The following KLHL1 variants were observed in gnomAD, a reference collection of about 807,000 sequenced individuals.
KLHL1 encodes kelch like family member 1, also known as kelch-like protein 1.
KLHL1 carries 47 observed loss-of-function variants against 77.7 expected under a neutral mutation model. The observed-to-expected ratio is 0.60, with a 90% confidence interval of 0.48 to 0.77. The LOEUF is 0.77. Among genes scored for constraint, KLHL1 ranks in the 30% least tolerant of loss-of-function variants. KLHL1 has a pLI of 0.00. For missense variants in KLHL1, 925 were observed against 910.8 expected (o/e 1.02, Z -0.20); for synonymous variants, 360 against 325.2 (o/e 1.11, Z -1.15).
chr13:69,938,724 G>A (rs962466798), intron 4 of KLHL1, among the ~76,000 whole-genome samples: 2 of 152,028 alleles, frequency 1.3e-5, no homozygotes, highest in Admixed American at 1.3e-4. Context: ...AGGTAGCATC[G>A]TGTCTGTCAT....
At position 69,877,905 on chromosome 13, in the gene KLHL1, A is replaced by C. The variant is rs200243442; in HGVS notation, c.1227+4378T>G. ...ATTTATAATTAATAAAGAATATCTG[A>C]TTTTCTCTGTGTACTTAAGAAATAA... On this transcript the variant is annotated intron_variant, in intron 5 of 10. Transcript: ENST00000377844. Among the ~76,000 whole-genome samples the C allele has an allele frequency of 2.6e-5, 4 of 152,270 alleles. No individual in the cohort carries two copies. The East Asian group carries it at 7.7e-4, about 29-fold the overall frequency.
At chr13:70,073,350 T>A (rs145701655) in intron 1 of KLHL1, among the ~76,000 whole-genome samples, 1,775 of 152,064 alleles carry the variant, frequency 0.012, 26 homozygotes, top group South Asian at 0.024. Flanking sequence ...TAGGTGGGAA[T>A]TGAACAAGGA....
At chr13:69,851,708 C>T (rs1170178702) in intron 5 of KLHL1, among the ~76,000 whole-genome samples, 1 of 151,586 alleles carries the variant, frequency 6.6e-6, no homozygotes, top group Non-Finnish European at 1.5e-5. Flanking sequence ...GCTCCTATGT[C>T]CCTGTTCTCT....
At chr13:70,003,332 T>C (rs1885339936) in intron 1 of KLHL1, among the ~76,000 whole-genome samples, 1 of 151,796 alleles carries the variant, frequency 6.6e-6, no homozygotes, top group Admixed American at 6.6e-5. Context: ...GGATACTTTT[T>C]TCACATAAGA....
chr13:69,842,516 G>T (rs1409437255), intron 5 of KLHL1, among the ~76,000 whole-genome samples: 1 of 151,834 alleles, frequency 6.6e-6, no homozygotes, highest in Non-Finnish European at 1.5e-5. Flanking sequence ...CAGTCAGAAT[G>T]ACTATTTAAG....
chr13:69,784,660 T>A (rs1876415168), intron 7 of KLHL1, among the ~76,000 whole-genome samples: 1 of 151,370 alleles, frequency 6.6e-6, no homozygotes, highest in Non-Finnish European at 1.5e-5. Context: ...ATGCACCCAA[T>A]ACAGGAGCAC....
In KLHL1 at chr13:69,798,892, C is replaced by T. The variant is rs144069519; in HGVS notation, c.1415-1930G>A. Among the ~76,000 whole-genome samples the T allele has an allele frequency of 1.4e-3, 213 of 151,882 alleles. 3 individuals carry two copies. The East Asian group carries it at 0.033, about 24-fold the overall frequency. On this transcript the variant is annotated intron_variant, in intron 6 of 10. Coordinates refer to ENST00000377844, the MANE Select transcript of KLHL1 (RefSeq NM_020866.3). ...AGACCAGCCTGGCCTCAAACTCTGT[C>T]GAAACCCCATCTCCACTAAAAATAC...
At chr13:69,932,201 T>C (rs1265501178) in intron 4 of KLHL1, among the ~76,000 whole-genome samples, 2 of 151,842 alleles carry the variant, frequency 1.3e-5, no homozygotes, top group Admixed American at 6.6e-5. Flanking sequence ...TCTAGCTCTA[T>C]GCATAACTGA....
rs566153616 is a variant in KLHL1, at chr13:69,707,636, C to T, written c.2176G>A (p.Glu726Lys). The change falls in exon 10 of 11, where the codon GAG (glutamate) becomes AAG (lysine). Residue 726 changes from glutamate (E) to lysine (K), a missense_variant. By Grantham distance (56) the Glu-to-Lys change is moderately conservative. Transcript: ENST00000377844. ...GATGACAATCTTACCTGTGTCCACT[C>T]ATTAGTTTGTGGGTCATAGGATTCC... ...TMESYDPQTN[E>K]WTQMASLNIG... The T allele has an allele frequency of 4.3e-6, 7 of 1,611,122 alleles. No homozygotes were observed. The highest frequency in any genetic ancestry group is 2.2e-5 in the East Asian group (1 of 44,812).
At chr13:69,781,779 C>A (rs1876225744) in intron 7 of KLHL1, among the ~76,000 whole-genome samples, 1 of 152,038 alleles carries the variant, frequency 6.6e-6, no homozygotes, top group African/African-American at 2.4e-5. Context: ...CTGTGTTGTA[C>A]TTTAGATTAA....
chr13:69,702,016 T>C (rs980097712), intron 10 of KLHL1, among the ~76,000 whole-genome samples: 2 of 151,812 alleles, frequency 1.3e-5, no homozygotes, highest in Non-Finnish European at 3.0e-5. Context: ...ATGATTTTTA[T>C]TGAAATTAAC....
intron 3 of KLHL1, among the ~76,000 whole-genome samples, chr13:69,957,963 G>A (rs1465570454): frequency 1.3e-5 from 2 of 151,660 alleles, no homozygotes; most frequent in African/African-American, 2.4e-5. Context: ...GGGAAAAACT[G>A]AACTTATGTT....
chr13:70,047,992 T>C (rs1364070851), intron 1 of KLHL1, among the ~76,000 whole-genome samples: 1 of 152,188 alleles, frequency 6.6e-6, no homozygotes, highest in African/African-American at 2.4e-5. Context: ...ATTGATGAGA[T>C]ATTTTTTCAA....
chr13:69,938,469 A>C (rs932248238), intron 4 of KLHL1, among the ~76,000 whole-genome samples: 1 of 152,018 alleles, frequency 6.6e-6, no homozygotes. Context: ...TTGTGCGATA[A>C]ATTGCAGAAT....
intron 5 of KLHL1, among the ~76,000 whole-genome samples, chr13:69,843,541 A>C (rs1879346300): frequency 6.6e-6 from 1 of 151,730 alleles, no homozygotes; most frequent in African/African-American, 2.4e-5. Context: ...AAGTAACCCT[A>C]TGCCTTCTTG....
intron 7 of KLHL1, among the ~76,000 whole-genome samples, chr13:69,756,417 C>G (rs1033679233): frequency 3.3e-5 from 5 of 152,076 alleles, no homozygotes; most frequent in Non-Finnish European, 7.4e-5. Flanking sequence ...TTATGGTCAT[C>G]ATTAACAAAA....
In KLHL1 at chr13:70,057,500, G is replaced by C. The variant is rs1429977322; in HGVS notation, c.497+49703C>G. 5.5e-5 allele frequency among the ~76,000 whole-genome samples: 8 copies of C among 145,902 alleles called. No homozygotes were observed. The South Asian group carries it at 1.7e-3, about 31-fold the overall frequency. ...AAAAAAAAAAAAAAAAAAGAGGCCG[G>C]GCGCGGTGGCTCACGCCTGTAATCC... On this transcript the variant is annotated intron_variant, in intron 1 of 10. Transcript: ENST00000377844.
chr13:69,965,375 T>C (rs1483475277), intron 2 of KLHL1, among the ~76,000 whole-genome samples: 1 of 152,194 alleles, frequency 6.6e-6, no homozygotes, highest in East Asian at 1.9e-4. Context: ...GATGTTACAA[T>C]TGTTCTTGTT....
chr13:69,919,327 G>A (rs1438774066), intron 4 of KLHL1, among the ~76,000 whole-genome samples: 1 of 151,810 alleles, frequency 6.6e-6, no homozygotes, highest in African/African-American at 2.4e-5. Flanking sequence ...TCATTATTTT[G>A]AATACAGAGA....
Sources: gnomAD v4.1 joint callset for allele counts (sites outside exome capture counted in the v4.1 genomes callset) on GRCh38, gnomAD v4.1.1 for gene constraint, MANE v1.5 for transcripts, NCBI Gene and HGNC (gene_info 2026-07-23, HGNC 2026-07-21) for gene names.